The following GALNT13 variants were observed in gnomAD, a reference collection of about 807,000 sequenced individuals.
GALNT13 encodes UDP-GalNAc:polypeptide N-acetylgalactosaminyltransferase 13.
GALNT13 carries 28 observed loss-of-function variants against 64.2 expected under a neutral mutation model. That is an observed-to-expected ratio of 0.44 (90% CI 0.32 to 0.60). The LOEUF (loss-of-function observed/expected upper bound fraction) is 0.60, where lower values mean the gene tolerates loss of function less well. Among genes scored for constraint, GALNT13 ranks in the 20% least tolerant of loss-of-function variants. The probability of loss-of-function intolerance (pLI) is 0.05; values close to 1 mark genes in which losing one functional copy is unlikely to be tolerated. For missense variants in GALNT13, 577 were observed against 669.8 expected, an observed-to-expected ratio of 0.86 and a Z score of 1.53; for synonymous variants, 214 against 224.6, an observed-to-expected ratio of 0.95 and a Z score of 0.42.
the GALNT13 span, among the ~76,000 whole-genome samples, chr2:153,363,044 A>G: frequency 3.3e-5 from 5 of 152,242 alleles, no homozygotes; most frequent in Non-Finnish European, 5.9e-5. Flanking sequence ...CTCTCAGAAC[A>G]TAGTGCAATC....
chr2:153,536,455 A>C, the GALNT13 span, among the ~76,000 whole-genome samples: 14 of 151,856 alleles, frequency 9.2e-5, no homozygotes, highest in Non-Finnish European at 2.9e-5. Context: ...GTAAGAAGTG[A>C]TTTTGAGTTT....
the GALNT13 span, among the ~76,000 whole-genome samples, chr2:153,601,012 A>G: frequency 1.3e-5 from 2 of 151,900 alleles, no homozygotes; most frequent in African/African-American, 2.4e-5. Flanking sequence ...ATCTAATTTC[A>G]TATGTATATT....
chr2:154,178,277 G>T (rs1158446080), intron 4 of GALNT13, among the ~76,000 whole-genome samples: 1 of 152,078 alleles, frequency 6.6e-6, no homozygotes, highest in Non-Finnish European at 1.5e-5. Flanking sequence ...TCATTTGGTA[G>T]ATTTGGCAGA....
In GALNT13 at chr2:154,042,059, T is replaced by C. The variant is rs970742235; in HGVS notation, c.142+97420T>C. 2.8e-5 allele frequency among the ~76,000 whole-genome samples: 4 copies of C among 140,778 alleles called. 1 individual carries two copies. The highest frequency in any genetic ancestry group is 6.5e-5 in the Non-Finnish European group (4 of 61,314). 92.4% of individuals were successfully genotyped at this position (140,778 alleles called of 152,430 possible). ...ATAACTGGAATGTTTTATAATTGAT[T>C]TATAAAAATCACAAGTGATGTTCTT... On this transcript the variant is annotated intron_variant, in intron 3 of 12. Coordinates refer to ENST00000392825, the MANE Select transcript of GALNT13 (RefSeq NM_052917.4).
At chr2:154,178,321 A>G (rs1332739299) in intron 4 of GALNT13, among the ~76,000 whole-genome samples, 1 of 151,146 alleles carries the variant, frequency 6.6e-6, no homozygotes, top group African/African-American at 2.4e-5. Flanking sequence ...TTTAGTGTGA[A>G]GAAATGTTAT....
chr2:153,767,448 T>C, the GALNT13 span, among the ~76,000 whole-genome samples: 1 of 152,132 alleles, frequency 6.6e-6, no homozygotes, highest in Non-Finnish European at 1.5e-5. Flanking sequence ...TTATTTCTCT[T>C]CTTTTAGGTG....
chr2:153,250,041 T>C, the GALNT13 span, among the ~76,000 whole-genome samples: 1 of 152,096 alleles, frequency 6.6e-6, no homozygotes, highest in Non-Finnish European at 1.5e-5. Flanking sequence ...ACAAATGGGA[T>C]CTAATTAAGC....
At chr2:154,105,724 A>G (rs1702580301) in intron 3 of GALNT13, among the ~76,000 whole-genome samples, 1 of 152,216 alleles carries the variant, frequency 6.6e-6, no homozygotes, top group Non-Finnish European at 1.5e-5. Context: ...GCTATCCCTT[A>G]GAATATTTTG....
At chr2:153,586,501 T>A in the GALNT13 span, among the ~76,000 whole-genome samples, 4 of 152,114 alleles carry the variant, frequency 2.6e-5, no homozygotes, top group Non-Finnish European at 5.9e-5. Context: ...TCTGAACACA[T>A]ATGCAGCCAA....
At chr2:153,463,555 C>G in the GALNT13 span, among the ~76,000 whole-genome samples, 28 of 152,066 alleles carry the variant, frequency 1.8e-4, no homozygotes, top group Admixed American at 3.3e-4. Context: ...CTCCATCTAT[C>G]TTTTGCTTTC....
the GALNT13 span, among the ~76,000 whole-genome samples, chr2:153,480,955 C>CAA: frequency 6.6e-6 from 1 of 152,264 alleles, no homozygotes. Context: ...ATATTTATTG[C>CAA]TAGGAACAGT....
At chr2:154,395,920 A>G (rs1240249571) in intron 9 of GALNT13, 71 bp from the exon 10 acceptor site, 4 of 1,328,110 alleles carry the variant, frequency 3.0e-6, no homozygotes. Flanking sequence ...CTGATAGCAA[A>G]GTAAATGTAG....
At chr2:153,088,640 T>G in the GALNT13 span, among the ~76,000 whole-genome samples, 1 of 152,170 alleles carries the variant, frequency 6.6e-6, no homozygotes, top group Non-Finnish European at 1.5e-5. Context: ...ATTTGGGAGC[T>G]CCAGTGTTAG....
At chr2:153,653,348 C>T in the GALNT13 span, among the ~76,000 whole-genome samples, 1 of 152,050 alleles carries the variant, frequency 6.6e-6, no homozygotes, top group African/African-American at 2.4e-5. Context: ...GATAAAATGG[C>T]GAGACCTTCA....
At chr2:153,137,734 AAAAAG>A in the GALNT13 span, among the ~76,000 whole-genome samples, 10 of 152,114 alleles carry the variant, frequency 6.6e-5, no homozygotes, top group Admixed American at 6.6e-4. Context: ...AAAAAAAAAA[AAAAAG>A]AGTTTCTATT....
chr2:154,224,397 T>C (rs901461110), intron 4 of GALNT13, among the ~76,000 whole-genome samples: 1 of 151,886 alleles, frequency 6.6e-6, no homozygotes, highest in Non-Finnish European at 1.5e-5. Flanking sequence ...GGAGTGTGCC[T>C]ATACTCTGAT....
the GALNT13 span, among the ~76,000 whole-genome samples, chr2:153,601,967 C>T: frequency 6.6e-6 from 1 of 151,720 alleles, no homozygotes; most frequent in Admixed American, 6.6e-5. Flanking sequence ...TGTAATAGGC[C>T]AATTAAAATG....
chr2:153,186,075 A>T, the GALNT13 span, among the ~76,000 whole-genome samples: 6 of 151,980 alleles, frequency 3.9e-5, no homozygotes, highest in African/African-American at 7.3e-5. Flanking sequence ...GTCTCCTACT[A>T]TTATTGTGTG....
chr2:154,351,345 T>G (rs1696385861), intron 9 of GALNT13, among the ~76,000 whole-genome samples: 1 of 152,064 alleles, frequency 6.6e-6, no homozygotes, highest in African/African-American at 2.4e-5. Context: ...TGTTGATGTT[T>G]GCCGTTGTGA....
Sources: allele counts gnomAD v4.1 joint callset (sites outside exome capture counted in the v4.1 genomes callset), GRCh38; gene constraint gnomAD v4.1.1; transcripts MANE v1.5; gene names NCBI Gene and HGNC (gene_info 2026-07-23, HGNC 2026-07-21).